FAM216A: variants seen among roughly 807,000 people sequenced by gnomAD.
FAM216A encodes the protein family with sequence similarity 216 member A.
FAM216A carries 26 observed loss-of-function variants against 37.6 expected under a neutral mutation model. That is an observed-to-expected ratio of 0.69 (90% CI 0.51 to 0.96). The LOEUF (loss-of-function observed/expected upper bound fraction) is 0.96. FAM216A is among the 40% of genes least tolerant of loss of function. The pLI, the probability that FAM216A is intolerant of heterozygous loss-of-function variation, is 0.00. For missense variants in FAM216A, 326 were observed against 339.3 expected, an observed-to-expected ratio of 0.96 and a Z score of 0.31; for synonymous variants, 110 against 121.7, an observed-to-expected ratio of 0.90 and a Z score of 0.64.
Position 110,486,457 on chromosome 12 carries a change from AG to A in FAM216A, c.436+5del. On this transcript the variant is annotated splice_donor_region_variant and intron_variant, in intron 4 of 6. Coordinates refer to ENST00000377673, the MANE Select transcript of FAM216A (RefSeq NM_013300.3). The stretch of plus-strand genomic sequence containing the variant: ...TCAGCACAGCTCACAAAAGCCAGGC[AG>A]GTGCACCTCCAGTTGTCTTTTCACT... 1 of 1,610,460 alleles carries A rather than the reference AG, an allele frequency of 6.2e-7. No homozygotes were observed. Among genetic ancestry groups the A allele is most frequent in the Non-Finnish European group, 8.5e-7 (1 of 1,177,338 alleles).
intron 3 of FAM216A, among the ~76,000 whole-genome samples, chr12:110,485,557 A>G (rs535361681): frequency 6.6e-6 from 1 of 152,290 alleles, no homozygotes; most frequent in African/African-American, 2.4e-5. Flanking sequence ...TTAAGAAGAA[A>G]GCAGGTAAAG....
chr12:110,487,625 T>C, intron 5 of FAM216A: 1 of 434,524 alleles, frequency 2.3e-6, no homozygotes, highest in Non-Finnish European at 4.1e-6. Flanking sequence ...TGGTTGGTTA[T>C]GCACAGGGGA....
At chr12:110,489,091 G>A (rs2062794047) in intron 6 of FAM216A, among the ~76,000 whole-genome samples, 1 of 152,120 alleles carries the variant, frequency 6.6e-6, no homozygotes, top group African/African-American at 2.4e-5. Flanking sequence ...ACAAAATACT[G>A]CAAAATGAAA....
At position 110,478,358 on chromosome 12, in the gene FAM216A, C is replaced by A. The variant is rs541294335; in HGVS notation, c.184+5240C>A. On this transcript the variant is annotated intron_variant, in intron 2 of 6. Coordinates refer to ENST00000377673, the MANE Select transcript of FAM216A (RefSeq NM_013300.3). ...AGAGCCTGTGGTAGGCAGCATGGTC[C>A]CCAAAGATGTTCACACTCTAATCTC... 3.4e-4 allele frequency among the ~76,000 whole-genome samples: 51 copies of A among 152,198 alleles called. No homozygotes were observed. The South Asian group carries it at 0.01, about 30-fold the overall frequency.
intron 2 of FAM216A, among the ~76,000 whole-genome samples, chr12:110,481,334 G>A (rs1361420295): frequency 6.6e-6 from 1 of 152,016 alleles, no homozygotes; most frequent in Non-Finnish European, 1.5e-5. Flanking sequence ...AAATGTTCGA[G>A]GCACTGCCAT....
chr12:110,485,190 CT>C lies in FAM216A; in HGVS notation c.302del (p.Phe101SerfsTer26). On this transcript the variant is annotated frameshift_variant, in exon 3 of 7. Coordinates refer to ENST00000377673, the MANE Select transcript of FAM216A (RefSeq NM_013300.3). LOFTEE classifies it high-confidence loss of function. ...HLSKSMMEASFFKHPDLTTGQ... is the reference protein window; with the variant it reads ...HLSKSMMEASXFKHPDLTTGQ... ...TCTCTAAATCAATGATGGAGGCGTC[CT>C]TTTTCAAGGTATGCTAACAGGGACA... The C allele has an allele frequency of 6.2e-7, 1 of 1,607,306 alleles. No homozygotes were observed. Among genetic ancestry groups the C allele is most frequent in the South Asian group, 1.1e-5 (1 of 89,818 alleles).
At chr12:110,480,486 A>G (rs888425318) in intron 2 of FAM216A, among the ~76,000 whole-genome samples, 3 of 150,900 alleles carry the variant, frequency 2.0e-5, no homozygotes, top group African/African-American at 7.3e-5. Flanking sequence ...TAAAGGTGTG[A>G]GCCACCACGC....
chr12:110,474,992 CA>C (rs895011742), intron 2 of FAM216A, among the ~76,000 whole-genome samples: 14 of 143,324 alleles, frequency 9.8e-5, no homozygotes, highest in African/African-American at 7.7e-5. Flanking sequence ...AACTCCATCT[CA>C]AAAAAAAAAA....
chr12:110,474,503 A>C (rs1426766166), intron 2 of FAM216A, among the ~76,000 whole-genome samples: 1 of 151,812 alleles, frequency 6.6e-6, no homozygotes, highest in Non-Finnish European at 1.5e-5. Flanking sequence ...CAGCCTGACC[A>C]ACATGGTGAA....
chr12:110,485,930 T>C (rs2062774366), intron 3 of FAM216A, among the ~76,000 whole-genome samples: 1 of 152,220 alleles, frequency 6.6e-6, no homozygotes, highest in Non-Finnish European at 1.5e-5. Context: ...GAAAAGAATG[T>C]TTCTTCAGTT....
At chr12:110,472,861 A>C (rs1466728828) in intron 1 of FAM216A, among the ~76,000 whole-genome samples, 1 of 150,638 alleles carries the variant, frequency 6.6e-6, no homozygotes, top group Non-Finnish European at 1.5e-5. Context: ...CGCTAGTCCC[A>C]GCTACCTGGG....
intron 2 of FAM216A, among the ~76,000 whole-genome samples, chr12:110,477,694 T>A (rs1299696891): frequency 1.3e-5 from 2 of 151,284 alleles, no homozygotes; most frequent in East Asian, 3.9e-4. Flanking sequence ...ATGATTAAGA[T>A]GGCTAGAAAT....
chr12:110,475,715 C>T lies in FAM216A; in HGVS notation c.184+2597C>T, dbSNP rs143546111. 4.1e-3 allele frequency among the ~76,000 whole-genome samples: 586 copies of T among 143,348 alleles called. 2 individuals carry two copies. Among genetic ancestry groups the T allele is most frequent in the Non-Finnish European group, 6.6e-3 (438 of 66,754 alleles). The allele number at this position is 143,348 out of a possible 152,430, so 94.0% of individuals were successfully genotyped here. On this transcript the variant is annotated intron_variant, in intron 2 of 6. Transcript: ENST00000377673. ...GCTTCCCAAGTAACTGGGACTTCAC[C>T]CCTGGCAAAAAAAAAAAAAAAAAAG...
At chr12:110,469,062 C>T in intron 1 of FAM216A, 44 bp downstream of exon 1, 1 of 1,385,124 alleles carries the variant, frequency 7.2e-7, no homozygotes. Flanking sequence ...CATGGGGCCC[C>T]CGGGTCGTGA....
intron 5 of FAM216A, chr12:110,487,226 C>T (rs1336224815): frequency 6.5e-6 from 1 of 153,184 alleles, no homozygotes; most frequent in African/African-American, 2.4e-5. Flanking sequence ...CCTCCACTTC[C>T]CGGGTTCAAG....
At chr12:110,468,764 C>G, upstream of FAM216A, 1 of 1,476,108 alleles carries the variant, frequency 6.8e-7, no homozygotes, top group Non-Finnish European at 9.0e-7. Flanking sequence ...GCCCCGCTCT[C>G]CCGAAGCTGT....
At chr12:110,473,594 T>C (rs2062698989) in intron 2 of FAM216A, among the ~76,000 whole-genome samples, 1 of 152,226 alleles carries the variant, frequency 6.6e-6, no homozygotes, top group East Asian at 1.9e-4. Flanking sequence ...AGGGAGGTTT[T>C]TCTTGTCTGT....
At chr12:110,469,121 G>T in intron 1 of FAM216A, 103 bp downstream of exon 1, 1 of 1,279,498 alleles carries the variant, frequency 7.8e-7, no homozygotes. Flanking sequence ...CCGACCTCTC[G>T]TCTCGGGGGC....
intron 1 of FAM216A, among the ~76,000 whole-genome samples, chr12:110,472,264 C>A (rs2062690948): frequency 6.6e-6 from 1 of 151,580 alleles, no homozygotes; most frequent in South Asian, 2.1e-4. Context: ...AAAGAACAGT[C>A]TTTTCAATAC....
Sources: allele counts gnomAD v4.1 joint callset (sites outside exome capture counted in the v4.1 genomes callset), GRCh38; gene constraint gnomAD v4.1.1; transcripts MANE v1.5; gene names NCBI Gene and HGNC (gene_info 2026-07-23, HGNC 2026-07-21).